MALRD1: variants seen among roughly 807,000 people sequenced by gnomAD.
MALRD1 encodes the protein MAM and LDL-receptor class A domain-containing protein 1.
Under a neutral mutation model 242.1 loss-of-function variants are expected in MALRD1, and 247 were observed. The observed-to-expected ratio is 1.02, with a 90% CI of 0.92 to 1.13. The LOEUF (loss-of-function observed/expected upper bound fraction) is 1.13. MALRD1 is among the 50% of genes most tolerant of loss of function. The pLI is 0.00. For synonymous variants in MALRD1, 995 were observed against 866.6 expected (o/e 1.15, Z -2.60); for missense variants, 2,989 against 2,533.1 (o/e 1.18, Z -3.86).
intron 14 of MALRD1, among the ~76,000 whole-genome samples, chr10:19,178,546 C>T (rs912581950): frequency 1.3e-5 from 2 of 152,214 alleles, no homozygotes; most frequent in African/African-American, 4.8e-5. Flanking sequence ...TCAAAGCAAT[C>T]TTAGAGCTGT....
At chr10:19,584,218 A>G (rs1214869303) in intron 33 of MALRD1, among the ~76,000 whole-genome samples, 3 of 151,324 alleles carry the variant, frequency 2.0e-5, no homozygotes, top group Non-Finnish European at 2.9e-5. Context: ...TTGTGTCTCT[A>G]TTTCCTTCAG....
chr10:19,206,399 C>T (rs2131621342), intron 17 of MALRD1, among the ~76,000 whole-genome samples: 1 of 152,172 alleles, frequency 6.6e-6, no homozygotes, highest in East Asian at 1.9e-4. Flanking sequence ...AATGACTATC[C>T]TATGAAGTGT....
At position 19,585,301 on chromosome 10, in the gene MALRD1, A is replaced by C. The variant is rs1378172332; in HGVS notation, c.5681-9893A>C. ...AGCTGGTTATTTTGTTCGTTAGTTG[A>C]TGTAGTTTCTTTCTAGTCTCGATGG... is the stretch of plus-strand genomic sequence containing the variant. On this transcript the variant is annotated intron_variant, in intron 33 of 39. Transcript: ENST00000454679. 5.3e-5 allele frequency among the ~76,000 whole-genome samples: 8 copies of C among 150,924 alleles called. No homozygotes were observed. The South Asian group carries it at 1.1e-3, about 20-fold the overall frequency.
At chr10:19,577,623 G>T (rs1398934478) in intron 33 of MALRD1, among the ~76,000 whole-genome samples, 1 of 152,098 alleles carries the variant, frequency 6.6e-6, no homozygotes, top group Non-Finnish European at 1.5e-5. Flanking sequence ...TTTCACAAGT[G>T]TCTCATCCAG....
intron 33 of MALRD1, among the ~76,000 whole-genome samples, chr10:19,586,917 A>G (rs1437627081): frequency 6.6e-6 from 1 of 152,236 alleles, no homozygotes; most frequent in African/African-American, 2.4e-5. Flanking sequence ...GGTGTGGGAT[A>G]TAATCTCCTG....
intron 18 of MALRD1, among the ~76,000 whole-genome samples, chr10:19,241,859 A>C (rs1838796036): frequency 6.6e-6 from 1 of 152,062 alleles, no homozygotes; most frequent in Admixed American, 6.6e-5. Context: ...GTTTTTATAA[A>C]ATTTCCAAGG....
At chr10:19,453,588 A>C (rs1589103705) in intron 29 of MALRD1, among the ~76,000 whole-genome samples, 2 of 152,276 alleles carry the variant, frequency 1.3e-5, no homozygotes, top group South Asian at 4.1e-4. Context: ...TCTCTATAAA[A>C]ATTTTAGGCC....
chr10:19,288,058 G>A (rs138503507), intron 21 of MALRD1, among the ~76,000 whole-genome samples: 1 of 151,582 alleles, frequency 6.6e-6, no homozygotes, highest in Non-Finnish European at 1.5e-5. Flanking sequence ...ATCTTTCAAG[G>A]CCGTGTCTTT....
chr10:19,193,906 A>T (rs1380545775), intron 14 of MALRD1, among the ~76,000 whole-genome samples: 7 of 152,136 alleles, frequency 4.6e-5, no homozygotes, highest in Non-Finnish European at 1.5e-5. Flanking sequence ...ATTTAACATG[A>T]CAGAAAAAAA....
chr10:19,145,653 T>TAA (rs71507276), intron 10 of MALRD1, among the ~76,000 whole-genome samples: 21 of 134,546 alleles, frequency 1.6e-4, no homozygotes, highest in South Asian at 4.9e-4. Flanking sequence ...GACTCTGCCT[T>TAA]AAAAAAAAAA....
chr10:19,328,005 A>C (rs1248462334), intron 23 of MALRD1, among the ~76,000 whole-genome samples: 1 of 152,152 alleles, frequency 6.6e-6, no homozygotes, highest in Non-Finnish European at 1.5e-5. Context: ...ACAGCAATTA[A>C]TTCTTTCAAC....
chr10:19,289,666 G>T (rs7908430), intron 21 of MALRD1, among the ~76,000 whole-genome samples: 1 of 152,018 alleles, frequency 6.6e-6, no homozygotes, highest in Non-Finnish European at 1.5e-5. Context: ...TTATGCATCA[G>T]ATATCCTACT....
intron 33 of MALRD1, among the ~76,000 whole-genome samples, chr10:19,579,169 A>G (rs1193896620): frequency 6.6e-6 from 1 of 152,186 alleles, no homozygotes; most frequent in African/African-American, 2.4e-5. Context: ...AAGTTATGGT[A>G]TCACAGCCAC....
rs115614066 is a variant in MALRD1 at position 19,339,065 on chromosome 10, C to T, written c.3901+7483C>T. Among the ~76,000 whole-genome samples the T allele has an allele frequency of 6.1e-3, 924 of 151,698 alleles. 5 individuals are homozygous for T. Among genetic ancestry groups the T allele is most frequent in the African/African-American group, 0.021 (880 of 41,360 alleles). On this transcript the variant is annotated intron_variant, in intron 24 of 39. Coordinates refer to ENST00000454679, the MANE Select transcript of MALRD1 (RefSeq NM_001142308.3). ...ACACACACACACACACATAAATACA[C>T]ATACACACACACACATCCCTAGGAG...
At chr10:19,366,815 C>A (rs1217763451) in intron 26 of MALRD1, among the ~76,000 whole-genome samples, 1 of 151,990 alleles carries the variant, frequency 6.6e-6, no homozygotes, top group Non-Finnish European at 1.5e-5. Context: ...AATAACTAAA[C>A]AATTTTAAAA....
intron 28 of MALRD1, among the ~76,000 whole-genome samples, chr10:19,413,761 A>G (rs1340325681): frequency 6.6e-6 from 1 of 151,862 alleles, no homozygotes; most frequent in Non-Finnish European, 1.5e-5. Flanking sequence ...AGGCGAGTGG[A>G]TCACAAGGTC....
intron 31 of MALRD1, among the ~76,000 whole-genome samples, chr10:19,530,475 A>AATAATAAT (rs1834360970): frequency 7.3e-6 from 1 of 137,688 alleles, no homozygotes; most frequent in Non-Finnish European, 1.5e-5. Context: ...AAATAATTAT[A>AATAATAAT]TAATATTTAT....
intron 11 of MALRD1, among the ~76,000 whole-genome samples, chr10:19,148,306 C>T (rs74120741): frequency 0.039 from 5,928 of 151,486 alleles, 359 homozygotes; most frequent in African/African-American, 0.13. Flanking sequence ...CCCAGGGTTC[C>T]GACACGATGT....
At chr10:19,638,324 G>A (rs529582796) in intron 36 of MALRD1, among the ~76,000 whole-genome samples, 24 of 152,148 alleles carry the variant, frequency 1.6e-4, no homozygotes, top group African/African-American at 5.5e-4. Flanking sequence ...GAAAACAAAA[G>A]GAGGTGGGGA....
Sources: gnomAD v4.1 joint callset for allele counts (sites outside exome capture counted in the v4.1 genomes callset) on GRCh38, gnomAD v4.1.1 for gene constraint, MANE v1.5 for transcripts, NCBI Gene and HGNC (gene_info 2026-07-23, HGNC 2026-07-21) for gene names.